The following KCNH7 variants were observed in gnomAD, a reference collection of about 807,000 sequenced individuals.
KCNH7 encodes potassium voltage-gated channel subfamily H member 7.
KCNH7 carries 49 observed loss-of-function variants against 120.8 expected under a neutral mutation model. That is an observed-to-expected ratio of 0.41 (90% CI 0.32 to 0.51). KCNH7 has a LOEUF of 0.51. KCNH7 is among the 20% of genes least tolerant of loss of function. KCNH7 has a pLI of 0.38. For synonymous variants in KCNH7, 547 were observed against 516.1 expected (o/e 1.06, Z -0.81); for missense variants, 1,097 against 1,446.6 (o/e 0.76, Z 3.92).
At chr2:162,407,883 A>C (rs1687274509) in intron 9 of KCNH7, among the ~76,000 whole-genome samples, 1 of 152,008 alleles carries the variant, frequency 6.6e-6, no homozygotes, top group African/African-American at 2.4e-5. Context: ...TAATTTAAAA[A>C]CCAACATGTA....
At chr2:162,751,495 GC>G (rs1340032323) in intron 2 of KCNH7, among the ~76,000 whole-genome samples, 1 of 151,744 alleles carries the variant, frequency 6.6e-6, no homozygotes, top group Non-Finnish European at 1.5e-5. Context: ...TGTTATATTT[GC>G]CTAAGATGAA....
chr2:162,594,378 G>A (rs1694306851), intron 2 of KCNH7, among the ~76,000 whole-genome samples: 1 of 151,872 alleles, frequency 6.6e-6, no homozygotes. Flanking sequence ...TTTGAGTTGA[G>A]GGCAAGGAAA....
intron 3 of KCNH7, among the ~76,000 whole-genome samples, chr2:162,526,931 A>T (rs1324198447): frequency 6.6e-6 from 1 of 152,046 alleles, no homozygotes; most frequent in Non-Finnish European, 1.5e-5. Flanking sequence ...TGCAGTAAAG[A>T]CAGGCGTAAG....
At chr2:162,450,099 T>A (rs1011717504) in intron 6 of KCNH7, among the ~76,000 whole-genome samples, 4 of 152,128 alleles carry the variant, frequency 2.6e-5, no homozygotes, top group African/African-American at 4.8e-5. Context: ...TGCGTTATCA[T>A]GATAAACTAA....
intron 2 of KCNH7, among the ~76,000 whole-genome samples, chr2:162,682,441 G>C (rs1031430055): frequency 1.4e-5 from 2 of 147,360 alleles, no homozygotes; most frequent in African/African-American, 5.2e-5. Context: ...GAGAGAGAGA[G>C]ACTATAAAAA....
At chr2:162,829,929 CT>C (rs1356630032) in intron 2 of KCNH7, among the ~76,000 whole-genome samples, 1 of 150,732 alleles carries the variant, frequency 6.6e-6, no homozygotes, top group African/African-American at 2.4e-5. Context: ...AGTGCACTCA[CT>C]TCGTACTAGT....
intron 9 of KCNH7, among the ~76,000 whole-genome samples, chr2:162,417,590 C>T (rs987088334): frequency 6.6e-6 from 1 of 152,160 alleles, no homozygotes; most frequent in African/African-American, 2.4e-5. Context: ...TTCACCACCT[C>T]AGTGTAATGT....
intron 14 of KCNH7, among the ~76,000 whole-genome samples, chr2:162,378,682 A>C (rs1437532147): frequency 2.0e-5 from 3 of 152,188 alleles, no homozygotes; most frequent in Non-Finnish European, 4.4e-5. Flanking sequence ...TTCTCAGGTC[A>C]CCTCTAGGTA....
chr2:162,583,364 G>A (rs1170197519), intron 2 of KCNH7, among the ~76,000 whole-genome samples: 1 of 151,998 alleles, frequency 6.6e-6, no homozygotes, highest in Non-Finnish European at 1.5e-5. Flanking sequence ...CTGATACACA[G>A]CAGGATATCA....
chr2:162,378,683 C>T (rs958675253), intron 14 of KCNH7, among the ~76,000 whole-genome samples: 30 of 152,200 alleles, frequency 2.0e-4, no homozygotes. Context: ...TCTCAGGTCA[C>T]CTCTAGGTAA....
intron 2 of KCNH7, among the ~76,000 whole-genome samples, chr2:162,830,954 A>C (rs1473209716): frequency 5.3e-5 from 8 of 152,158 alleles, no homozygotes; most frequent in Admixed American, 5.2e-4. Context: ...TCACAGTAGG[A>C]AAAGACTAAG....
intron 9 of KCNH7, among the ~76,000 whole-genome samples, chr2:162,401,139 T>C (rs1468130902): frequency 2.0e-5 from 3 of 151,936 alleles, no homozygotes; most frequent in Non-Finnish European, 2.9e-5. Flanking sequence ...AAAGTGCTAC[T>C]GTTTTGACAA....
chr2:162,773,039 A>G (rs768320793), intron 2 of KCNH7, among the ~76,000 whole-genome samples: 7 of 152,214 alleles, frequency 4.6e-5, no homozygotes, highest in Non-Finnish European at 7.3e-5. Flanking sequence ...GTTCACCTCA[A>G]TCATGACAGT....
At chr2:162,722,703 G>A (rs961703285) in intron 2 of KCNH7, among the ~76,000 whole-genome samples, 31 of 151,178 alleles carry the variant, frequency 2.1e-4, no homozygotes, top group South Asian at 6.2e-4. Context: ...CCTTTCTTTC[G>A]CTTATCTTGT....
chr2:162,485,871 T>C (rs1013618911), intron 6 of KCNH7, among the ~76,000 whole-genome samples: 2 of 152,184 alleles, frequency 1.3e-5, no homozygotes, highest in African/African-American at 4.8e-5. Flanking sequence ...AAGAGCAGTA[T>C]AGAGCAATAT....
rs1289666603 is a variant in KCNH7 at position 162,838,637 on chromosome 2, T to C, written c.-119A>G. 4.1e-6 allele frequency: 3 copies of C among 722,926 alleles called. No homozygotes were observed. Among genetic ancestry groups the C allele is most frequent in the Non-Finnish European group, 6.9e-6 (3 of 433,710 alleles). The allele number at this position is 722,926 out of a possible 1,614,324, so 44.8% of individuals were successfully genotyped here. A position where few individuals can be genotyped will look rare whatever the true frequency, so the allele number is the denominator to read the frequency against. ...CTCTTTGTGGCAGAGCATCCTCTTT[T>C]GAAACCAGAATTCTCTTCCCATTAG... On this transcript the variant is annotated 5_prime_UTR_variant, in exon 1 of 16. Transcript: ENST00000332142.
At chr2:162,528,394 G>A (rs1292613311) in intron 3 of KCNH7, 3 of 151,910 alleles carry the variant, frequency 2.0e-5, no homozygotes, top group Admixed American at 2.0e-4. Flanking sequence ...GTAGAGAAAG[G>A]TATGAGGTAT....
intron 2 of KCNH7, among the ~76,000 whole-genome samples, chr2:162,734,535 T>A (rs990340864): frequency 2.6e-5 from 4 of 152,158 alleles, no homozygotes; most frequent in Non-Finnish European, 4.4e-5. Flanking sequence ...TGAAACATTA[T>A]GCTGTTTTTT....
intron 8 of KCNH7, among the ~76,000 whole-genome samples, chr2:162,432,015 T>C (rs1018243890): frequency 2.6e-5 from 4 of 152,020 alleles, no homozygotes; most frequent in African/African-American, 9.7e-5. Flanking sequence ...GTGAACTGGC[T>C]AAACTTAAGT....
Sources: allele counts gnomAD v4.1 joint callset (sites outside exome capture counted in the v4.1 genomes callset), GRCh38; gene constraint gnomAD v4.1.1; transcripts MANE v1.5; gene names NCBI Gene and HGNC (gene_info 2026-07-23, HGNC 2026-07-21).